Variants in TSHZ2 observed in about 807,000 individuals in gnomAD.
The protein encoded by TSHZ2 is teashirt homolog 2.
In TSHZ2, 21 loss-of-function variants were observed where a neutral mutation model predicts 74.4. The ratio of observed to expected loss-of-function variants is 0.28; its 90% CI spans 0.20 to 0.41. TSHZ2 has a LOEUF of 0.41. Among genes scored for constraint, TSHZ2 ranks in the 10% least tolerant of loss-of-function variants. TSHZ2 has a pLI of 1.00. For missense variants in TSHZ2, 1,244 were observed against 1,293.5 expected, an observed-to-expected ratio of 0.96 and a Z score of 0.59; for synonymous variants, 540 against 515.3, an observed-to-expected ratio of 1.05 and a Z score of -0.65.
At chr20:53,396,379 C>T (rs1344978998) in intron 2 of TSHZ2, among the ~76,000 whole-genome samples, 3 of 152,218 alleles carry the variant, frequency 2.0e-5, no homozygotes, top group Admixed American at 6.5e-5. Context: ...GAGGCAGGCA[C>T]TTATTCCCAT....
chr20:53,067,226 C>T (rs1985019745), intron 1 of TSHZ2, among the ~76,000 whole-genome samples: 1 of 152,104 alleles, frequency 6.6e-6, no homozygotes, highest in South Asian at 2.1e-4. Flanking sequence ...ACAAGTGATC[C>T]TCCCCCTTGC....
chr20:53,154,021 C>T (rs1470914085), intron 1 of TSHZ2, among the ~76,000 whole-genome samples: 1 of 152,200 alleles, frequency 6.6e-6, no homozygotes, highest in Non-Finnish European at 1.5e-5. Flanking sequence ...ACTTCTATTG[C>T]ATTCCATTGG....
At chr20:52,981,361 G>A (rs1981563277) in intron 1 of TSHZ2, among the ~76,000 whole-genome samples, 1 of 152,208 alleles carries the variant, frequency 6.6e-6, no homozygotes, top group Non-Finnish European at 1.5e-5. Context: ...AACTTGGGCA[G>A]GCTGCTCAAA....
Position 53,253,637 on chromosome 20 carries a change from A to G in TSHZ2, c.179A>G (p.Gln60Arg), listed in dbSNP as rs753460096. ...TDEELETGPE[Q>R]KGCFSYQNSP... ...GAGGAGCTAGAAACGGGCCCAGAGC[A>G]AAAAGGCTGCTTCAGCTACCAGAAC... The change falls in exon 2 of 3, where the codon CAA becomes CGA. Residue 60 changes from glutamine (Q) to arginine (R), a missense_variant. Coordinates refer to ENST00000371497, the MANE Select transcript of TSHZ2 (RefSeq NM_173485.6). 10 of 1,614,168 alleles carry G rather than the reference A, an allele frequency of 6.2e-6. No homozygotes were observed. Among genetic ancestry groups the G allele is most frequent in the Non-Finnish European group, 8.5e-6 (10 of 1,180,026 alleles).
At chr20:53,133,143 G>T (rs1158079229) in intron 1 of TSHZ2, among the ~76,000 whole-genome samples, 8 of 152,120 alleles carry the variant, frequency 5.3e-5, no homozygotes, top group African/African-American at 1.9e-4. Context: ...GCCACTCTTT[G>T]ACACGTTAGA....
At chr20:53,421,571 A>G in intron 2 of TSHZ2, 1 of 209,804 alleles carries the variant, frequency 4.8e-6, no homozygotes, top group Non-Finnish European at 1.0e-5. Context: ...GAGGGCATGA[A>G]TCAATATCAC....
At chr20:53,068,960 T>TA (rs200109716) in intron 1 of TSHZ2, among the ~76,000 whole-genome samples, 67 of 147,282 alleles carry the variant, frequency 4.5e-4, no homozygotes, top group South Asian at 2.4e-3. Flanking sequence ...TTTCTTAAAA[T>TA]AAAAAAAAAG....
intron 1 of TSHZ2, among the ~76,000 whole-genome samples, chr20:53,054,343 T>C (rs778539889): frequency 6.6e-6 from 1 of 152,244 alleles, no homozygotes; most frequent in African/African-American, 2.4e-5. Flanking sequence ...GCAGCTTCGA[T>C]GTGTTAGATT....
intron 1 of TSHZ2, among the ~76,000 whole-genome samples, chr20:52,975,180 C>T (rs1260353372): frequency 6.6e-5 from 10 of 152,132 alleles, no homozygotes; most frequent in Non-Finnish European, 1.3e-4. Flanking sequence ...GAGATAACGT[C>T]CTTATTGTTG....
intron 1 of TSHZ2, among the ~76,000 whole-genome samples, chr20:53,209,398 A>C (rs765382618): frequency 3.9e-5 from 6 of 152,208 alleles, no homozygotes; most frequent in Non-Finnish European, 7.3e-5. Context: ...AAATGCACAT[A>C]TAATTTAACA....
intron 1 of TSHZ2, among the ~76,000 whole-genome samples, chr20:53,030,938 T>A (rs1241624270): frequency 6.6e-6 from 1 of 152,244 alleles, no homozygotes; most frequent in African/African-American, 2.4e-5. Flanking sequence ...GTGATAAATA[T>A]TCCATTGTAT....
At chr20:53,044,002 A>C (rs575488207) in intron 1 of TSHZ2, among the ~76,000 whole-genome samples, 1 of 152,320 alleles carries the variant, frequency 6.6e-6, no homozygotes, top group African/African-American at 2.4e-5. Flanking sequence ...TTCATTCTCT[A>C]TGAGAGGGTA....
At chr20:53,403,192 T>C (rs1012789986) in intron 2 of TSHZ2, among the ~76,000 whole-genome samples, 8 of 152,208 alleles carry the variant, frequency 5.3e-5, no homozygotes, top group Admixed American at 2.6e-4. Flanking sequence ...CTTAGGATGA[T>C]GGCCTCCAGT....
chr20:53,396,280 C>G (rs1375130657), intron 2 of TSHZ2, among the ~76,000 whole-genome samples: 1 of 152,206 alleles, frequency 6.6e-6, no homozygotes, highest in East Asian at 1.9e-4. Context: ...ATCCAGCTCA[C>G]ATGTACGTAT....
rs571829582 is a variant in TSHZ2, at chr20:53,090,515, A to C, written c.40+117182A>C. Among the ~76,000 whole-genome samples the C allele has an allele frequency of 2.0e-5, 3 of 152,266 alleles. No homozygotes were observed. In the South Asian group the frequency reaches 6.2e-4, roughly 32 times the overall value. On this transcript the variant is annotated intron_variant, in intron 1 of 2. Transcript: ENST00000371497. ...GAGACAGAGTGAGGAGTTCCTTCCA[A>C]TTGAAAGATTTTAAGCAGCAGAATT... is the stretch of plus-strand genomic sequence containing the variant.
Position 53,255,626 on chromosome 20 carries a change from C to A in TSHZ2, c.2168C>A (p.Ser723Ter). Residue 723 changes from serine (S) to a stop codon, truncating the protein, a stop_gained, in exon 2 of 3, where the codon TCA becomes TAA. Transcript: ENST00000371497. LOFTEE classifies it high-confidence loss of function. The surrounding 1 kb of genome is among the most constrained non-coding windows in gnomAD (Gnocchi z 4.1). ...LRSPSCSSPS[S>*]STISMFHKSN... Reference sequence around the variant, plus strand: ...TCACCTTCCTGCTCCAGCCCAAGTTCAAGCACAATTTCCATGTTCCACAAG... The same window carrying A: ...TCACCTTCCTGCTCCAGCCCAAGTTAAAGCACAATTTCCATGTTCCACAAG... The A allele has an allele frequency of 6.3e-7, 1 of 1,578,150 alleles. No homozygotes were observed.
rs202005237 is a variant in TSHZ2 at position 53,254,807 on chromosome 20, C to A, written c.1349C>A (p.Ala450Glu). The A allele has an allele frequency of 4.8e-5, 78 of 1,613,536 alleles. No homozygotes were observed. The highest frequency in any genetic ancestry group is 5.5e-5 in the Non-Finnish European group (65 of 1,179,856). ...SLAPKPSSNSASDCTASTTEL... is the reference protein window; with the variant it reads ...SLAPKPSSNSESDCTASTTEL... Reference sequence around the variant, plus strand: ...GCTCCCAAGCCATCCAGTAACTCAGCATCAGATTGTACAGCCTCTACAACT... The same window carrying A: ...GCTCCCAAGCCATCCAGTAACTCAGAATCAGATTGTACAGCCTCTACAACT... Residue 450 changes from alanine (A) to glutamate (E), a missense_variant, in exon 2 of 3, where the codon GCA becomes GAA. By Grantham distance (107) the Ala-to-Glu change is moderately radical (BLOSUM62 -1). Around this residue, in one of 6 missense-constraint regions of TSHZ2, gnomAD observed 562 missense variants for 544.0 expected, o/e 1.03. Transcript: ENST00000371497.
chr20:53,080,166 T>G (rs1358517265), intron 1 of TSHZ2, among the ~76,000 whole-genome samples: 1 of 152,224 alleles, frequency 6.6e-6, no homozygotes, highest in Non-Finnish European at 1.5e-5. Flanking sequence ...TATGTATGTG[T>G]TTCCCATTAA....
chr20:53,379,153 G>T (rs558357434), intron 2 of TSHZ2, among the ~76,000 whole-genome samples: 48 of 152,360 alleles, frequency 3.2e-4, no homozygotes, highest in African/African-American at 1.1e-3. Flanking sequence ...AGGCCGAGGT[G>T]GGTGAATGGC....
Sources: allele counts gnomAD v4.1 joint callset (sites outside exome capture counted in the v4.1 genomes callset), GRCh38; gene constraint gnomAD v4.1.1; regional missense constraint gnomAD v4.1.1; non-coding constraint Gnocchi (gnomAD v3.1); transcripts MANE v1.5; gene names NCBI Gene and HGNC (gene_info 2026-07-23, HGNC 2026-07-21).